KLF9: variants seen among roughly 807,000 people sequenced by gnomAD.
The protein encoded by KLF9 is KLF transcription factor 9.
A neutral mutation model predicts 17.3 loss-of-function variants in KLF9; 2 were observed. The observed-to-expected ratio is 0.12, with a 90% CI of 0.05 to 0.36. KLF9 has a LOEUF of 0.36. Among genes scored for constraint, KLF9 ranks in the 10% least tolerant of loss-of-function variants. The pLI is 1.00. For missense variants in KLF9, 226 were observed against 333.2 expected (o/e 0.68, Z 2.51); for synonymous variants, 138 against 139.2 (o/e 0.99, Z 0.06).
intron 1 of KLF9, among the ~76,000 whole-genome samples, chr9:70,410,384 T>C (rs1041646084): frequency 6.6e-6 from 1 of 152,266 alleles, no homozygotes; most frequent in African/African-American, 2.4e-5. Flanking sequence ...AACTTCCTTA[T>C]GGTCTCAAAT....
chr9:70,413,068 A>G lies in KLF9; in HGVS notation c.296T>C (p.Val99Ala). 1 of 1,614,076 alleles carries G rather than the reference A, an allele frequency of 6.2e-7. No individual in the cohort carries two copies. ...AGGACTCGACCCAGATTCGGTGGTCACGTCGCTGTCGGATCCCATATCCTC... is the reference window on the plus strand; with the variant it reads ...AGGACTCGACCCAGATTCGGTGGTCGCGTCGCTGTCGGATCCCATATCCTC... ...PDEDMGSDSD[V>A]TTESGSSPSH... The change falls in exon 1 of 2, where the codon GTG becomes GCG. Residue 99 changes from valine (V) to alanine (A), a missense_variant. Coordinates refer to ENST00000377126, the MANE Select transcript of KLF9 (RefSeq NM_001206.4). This position sits in a 1 kb window ranked among gnomAD's most constrained non-coding sequence, Gnocchi z 5.6.
chr9:70,405,034 CTCT>C (rs1338503364), intron 1 of KLF9, among the ~76,000 whole-genome samples: 2 of 152,202 alleles, frequency 1.3e-5, no homozygotes, highest in African/African-American at 4.8e-5. Context: ...TCAGGCCTTA[CTCT>C]TCATTTCTAA....
At chr9:70,409,068 A>ATATG (rs1564089188) in intron 1 of KLF9, among the ~76,000 whole-genome samples, 1 of 69,062 alleles carries the variant, frequency 1.4e-5, no homozygotes, top group South Asian at 4.9e-4. Context: ...GTGTATATAT[A>ATATG]TGTGTATATA....
chr9:70,394,685 CTGAAA>C (rs1490308820), intron 1 of KLF9, among the ~76,000 whole-genome samples: 3 of 152,094 alleles, frequency 2.0e-5, no homozygotes, highest in African/African-American at 7.2e-5. Context: ...TTCAAGATAA[CTGAAA>C]AATCTAATCT....
At chr9:70,403,302 T>C (rs1003683433) in intron 1 of KLF9, among the ~76,000 whole-genome samples, 6 of 152,216 alleles carry the variant, frequency 3.9e-5, no homozygotes, top group Non-Finnish European at 8.8e-5. Context: ...TCTGGATATA[T>C]GTAGTTCCAG....
chr9:70,407,164 T>A (rs2037261571), intron 1 of KLF9, among the ~76,000 whole-genome samples: 1 of 152,202 alleles, frequency 6.6e-6, no homozygotes, highest in Non-Finnish European at 1.5e-5. Context: ...ATATGTCATA[T>A]GATGTTTCTC....
rs1197616249 is a variant in KLF9, at chr9:70,408,016, G to A, written c.505+4843C>T. The stretch of plus-strand genomic sequence containing the variant: ...TGAAAAAAGTCTTAGCTATTACAAC[G>A]ATTTGTCGCCTTCGGAATGGGGCAT... On this transcript the variant is annotated intron_variant, in intron 1 of 1. Coordinates refer to ENST00000377126, the MANE Select transcript of KLF9 (RefSeq NM_001206.4). 5.3e-5 allele frequency among the ~76,000 whole-genome samples: 8 copies of A among 152,132 alleles called. No homozygotes were observed. The East Asian group carries it at 5.8e-4, about 11-fold the overall frequency.
At position 70,387,827 on chromosome 9, in the gene KLF9, G is replaced by A. The variant is rs759987258; in HGVS notation, c.684C>T (p.Phe228=). ...TCGATCGCTTGATCATGCTGGGGTGGAACTCGGTGTGCCGCCGGGCGTGCT... is the reference window on the plus strand; with the variant it reads ...TCGATCGCTTGATCATGCTGGGGTGAAACTCGGTGTGCCGCCGGGCGTGCT... ...LTKHARRHTE[F]HPSMIKRSKK... The change falls in exon 2 of 2, where the codon TTC becomes TTT. Residue 228 remains phenylalanine (F), a synonymous_variant. Transcript: ENST00000377126. 4.3e-6 allele frequency: 7 copies of A among 1,613,952 alleles called. No homozygotes were observed. The Admixed American group carries it at 8.3e-5, about 19-fold the overall frequency.
chr9:70,393,159 C>T (rs2118909659), intron 1 of KLF9, among the ~76,000 whole-genome samples: 1 of 152,324 alleles, frequency 6.6e-6, no homozygotes, highest in Admixed American at 6.5e-5. Flanking sequence ...AAAAGACTTC[C>T]TTTGCAGAGA....
intron 1 of KLF9, among the ~76,000 whole-genome samples, chr9:70,395,067 T>C (rs966319091): frequency 3.3e-5 from 5 of 152,212 alleles, no homozygotes; most frequent in African/African-American, 1.2e-4. Context: ...CTTGCAATAC[T>C]AGTTATTAAA....
At chr9:70,392,079 T>C (rs975767031) in intron 1 of KLF9, among the ~76,000 whole-genome samples, 5 of 152,166 alleles carry the variant, frequency 3.3e-5, no homozygotes, top group African/African-American at 7.2e-5. Flanking sequence ...TCCCAGCTAC[T>C]GGGGATGAGG....
At position 70,409,000 on chromosome 9, in the gene KLF9, G is replaced by GTA. The variant is rs199736064; in HGVS notation, c.505+3857_505+3858dup. Among the ~76,000 whole-genome samples, 71 of 88,046 alleles carry GTA rather than the reference G, an allele frequency of 8.1e-4. 1 individual carries two copies. Among genetic ancestry groups the GTA allele is most frequent in the Admixed American group, 1.0e-3 (8 of 8,036 alleles). 57.8% of individuals were successfully genotyped at this position (88,046 alleles called of 152,430 possible). A position where few individuals can be genotyped will look rare whatever the true frequency, so the allele number is the denominator to read the frequency against. On this transcript the variant is annotated intron_variant, in intron 1 of 1. Coordinates refer to ENST00000377126, the MANE Select transcript of KLF9 (RefSeq NM_001206.4). ...CCTTTTGCACTATATATATATATGTGTATATATATATACACATATATGTAT... is the reference window on the plus strand; with the variant it reads ...CCTTTTGCACTATATATATATATGTGTATATATATATATACACATATATGTAT...
In KLF9 at chr9:70,386,396, T is replaced by C. The variant is rs1197020208; in HGVS notation, c.*1380A>G. The C allele has an allele frequency of 6.6e-6, 1 of 152,668 alleles. No homozygotes were observed. Among genetic ancestry groups the C allele is most frequent in the Non-Finnish European group, 1.5e-5 (1 of 68,046 alleles). 9.5% of individuals were successfully genotyped at this position (152,668 alleles called of 1,614,324 possible). A position where few individuals can be genotyped will look rare whatever the true frequency, so the allele number is the denominator to read the frequency against. ...ATGTAAAAGATACAGTGATGTGATT[T>C]CATTCCTAGTATTCCATGTTGCCTG... On this transcript the variant is annotated 3_prime_UTR_variant, in exon 2 of 2. Transcript: ENST00000377126.
At chr9:70,399,345 C>T (rs1389697118) in intron 1 of KLF9, among the ~76,000 whole-genome samples, 1 of 152,210 alleles carries the variant, frequency 6.6e-6, no homozygotes, top group African/African-American at 2.4e-5. Context: ...GATGATGCAA[C>T]CTCCCCACAA....
At chr9:70,401,306 C>T (rs2118918030) in intron 1 of KLF9, among the ~76,000 whole-genome samples, 1 of 152,148 alleles carries the variant, frequency 6.6e-6, no homozygotes, top group South Asian at 2.1e-4. Context: ...GTGATTGCAC[C>T]ACTGCACTCC....
chr9:70,401,109 G>T (rs1016689355), intron 1 of KLF9, among the ~76,000 whole-genome samples: 9 of 151,018 alleles, frequency 6.0e-5, no homozygotes, highest in African/African-American at 2.2e-4. Flanking sequence ...TGGAGCAGGA[G>T]GATCACTTGA....
At chr9:70,410,535 G>A (rs899347424) in intron 1 of KLF9, among the ~76,000 whole-genome samples, 3 of 152,232 alleles carry the variant, frequency 2.0e-5, no homozygotes, top group South Asian at 4.1e-4. Flanking sequence ...GTGTAGAAGT[G>A]GTCTATGAAG....
intron 1 of KLF9, among the ~76,000 whole-genome samples, chr9:70,410,210 G>T (rs576392965): frequency 1.3e-5 from 2 of 152,320 alleles, no homozygotes; most frequent in South Asian, 2.1e-4. Flanking sequence ...CAGATCTTTT[G>T]ATTTTTCCAG....
intron 1 of KLF9, among the ~76,000 whole-genome samples, chr9:70,404,149 A>T (rs1204508500): frequency 6.6e-6 from 1 of 152,252 alleles, no homozygotes; most frequent in Non-Finnish European, 1.5e-5. Flanking sequence ...CTGTGAGTTT[A>T]AATGTGACAA....
Sources: gnomAD v4.1 joint callset for allele counts (sites outside exome capture counted in the v4.1 genomes callset) on GRCh38, gnomAD v4.1.1 for gene constraint, Gnocchi (gnomAD v3.1) non-coding constraint, MANE v1.5 for transcripts, NCBI Gene and HGNC (gene_info 2026-07-23, HGNC 2026-07-21) for gene names.